L3MBTL4: variants seen among roughly 807,000 people sequenced by gnomAD.
L3MBTL4 encodes lethal(3)malignant brain tumor-like protein 4.
A neutral mutation model predicts 84.5 loss-of-function variants in L3MBTL4; 70 were observed. That is an observed-to-expected ratio of 0.83 (90% CI 0.68 to 1.01). The LOEUF is 1.01. Ranked by LOEUF, L3MBTL4 falls within the 50% of genes least tolerant of loss-of-function variation. The pLI is 0.00. For synonymous variants in L3MBTL4, 274 were observed against 259.8 expected (o/e 1.05, Z -0.52); for missense variants, 715 against 754.8 (o/e 0.95, Z 0.62).
At chr18:6,205,178 A>G (rs112835469) in intron 12 of L3MBTL4, among the ~76,000 whole-genome samples, 53 of 152,240 alleles carry the variant, frequency 3.5e-4, no homozygotes, top group African/African-American at 1.2e-3. Context: ...GAAGAGGAAA[A>G]TAGGAGTGTC....
At chr18:6,001,466 C>T (rs564843570) in intron 16 of L3MBTL4, among the ~76,000 whole-genome samples, 1 of 152,078 alleles carries the variant, frequency 6.6e-6, no homozygotes, top group East Asian at 1.9e-4. Context: ...AATTAAAAAA[C>T]CCCAAACAAA....
intron 12 of L3MBTL4, among the ~76,000 whole-genome samples, chr18:6,205,201 T>A (rs955592502): frequency 6.6e-6 from 1 of 152,244 alleles, no homozygotes; most frequent in Admixed American, 6.5e-5. Flanking sequence ...AGGCAGAGGT[T>A]TGAAGGTGCT....
At chr18:6,349,528 C>A (rs1446256259) in intron 1 of L3MBTL4, among the ~76,000 whole-genome samples, 1 of 152,030 alleles carries the variant, frequency 6.6e-6, no homozygotes, top group Non-Finnish European at 1.5e-5. Context: ...CAGATCGAGA[C>A]CAGCCCGAGC....
chr18:6,382,963 T>G (rs2054657284), intron 1 of L3MBTL4, among the ~76,000 whole-genome samples: 1 of 152,160 alleles, frequency 6.6e-6, no homozygotes, highest in Admixed American at 6.5e-5. Context: ...GGATTTTATC[T>G]GTAAGTCCCT....
At chr18:6,056,319 G>A (rs1232825160) in intron 16 of L3MBTL4, among the ~76,000 whole-genome samples, 2 of 152,166 alleles carry the variant, frequency 1.3e-5, no homozygotes, top group African/African-American at 4.8e-5. Context: ...AGTTTCAGCA[G>A]AAGTTTGCTT....
chr18:6,332,378 A>G (rs1218048742), intron 1 of L3MBTL4, among the ~76,000 whole-genome samples: 2 of 152,232 alleles, frequency 1.3e-5, no homozygotes, highest in Non-Finnish European at 2.9e-5. Context: ...AGCCAGCCCA[A>G]CATCCTCTTT....
intron 12 of L3MBTL4, among the ~76,000 whole-genome samples, chr18:6,185,956 C>CTTTTTATTTTAT (rs1480773821): frequency 7.4e-6 from 1 of 136,054 alleles, no homozygotes; most frequent in African/African-American, 3.3e-5. Flanking sequence ...AAAAAGGGCA[C>CTTTTTATTTTAT]TTTCTTTATT....
intron 14 of L3MBTL4, among the ~76,000 whole-genome samples, chr18:6,117,561 G>C (rs1303152333): frequency 6.6e-6 from 1 of 152,198 alleles, no homozygotes; most frequent in Non-Finnish European, 1.5e-5. Flanking sequence ...TGTGAAACTG[G>C]TGGAGTTAAA....
intron 16 of L3MBTL4, among the ~76,000 whole-genome samples, chr18:6,061,617 T>C (rs1455107285): frequency 1.3e-5 from 2 of 152,020 alleles, no homozygotes; most frequent in Non-Finnish European, 2.9e-5. Flanking sequence ...TTGTTTTGCA[T>C]TTTACATTTA....
At chr18:6,004,961 C>T (rs2054394117) in intron 16 of L3MBTL4, among the ~76,000 whole-genome samples, 1 of 143,130 alleles carries the variant, frequency 7.0e-6, no homozygotes. Flanking sequence ...TTCTTAATGC[C>T]ACCAAAGTGT....
At chr18:5,986,130 G>A (rs1183351736) in intron 16 of L3MBTL4, among the ~76,000 whole-genome samples, 1 of 152,176 alleles carries the variant, frequency 6.6e-6, no homozygotes, top group Non-Finnish European at 1.5e-5. Context: ...GTGCTGAGAG[G>A]CCGAAAGAGA....
chr18:6,385,772 C>T (rs2054792776), intron 1 of L3MBTL4, among the ~76,000 whole-genome samples: 1 of 152,212 alleles, frequency 6.6e-6, no homozygotes, highest in Non-Finnish European at 1.5e-5. Flanking sequence ...CTAAACCTCT[C>T]TCCAAAAGGC....
chr18:6,132,593 C>G (rs2059907297), intron 14 of L3MBTL4, among the ~76,000 whole-genome samples: 1 of 152,202 alleles, frequency 6.6e-6, no homozygotes, highest in Non-Finnish European at 1.5e-5. Flanking sequence ...TCATATAATG[C>G]TTTTCTTTAA....
At chr18:6,011,977 A>T (rs900550153) in intron 16 of L3MBTL4, among the ~76,000 whole-genome samples, 1 of 152,250 alleles carries the variant, frequency 6.6e-6, no homozygotes, top group African/African-American at 2.4e-5. Flanking sequence ...TTGCTTCTGG[A>T]CAGAAACCTT....
intron 16 of L3MBTL4, among the ~76,000 whole-genome samples, chr18:5,976,865 G>A (rs891841155): frequency 1.3e-5 from 2 of 152,110 alleles, no homozygotes; most frequent in African/African-American, 2.4e-5. Context: ...TAAAAGTGTC[G>A]CTGCCCAACC....
At chr18:6,187,901 C>T (rs915929624) in intron 12 of L3MBTL4, among the ~76,000 whole-genome samples, 70 of 149,024 alleles carry the variant, frequency 4.7e-4, no homozygotes, top group African/African-American at 1.6e-3. Flanking sequence ...CTGCTCTCTA[C>T]AATTTTGTGT....
chr18:6,379,903 T>C (rs1258056234), intron 1 of L3MBTL4, among the ~76,000 whole-genome samples: 1 of 152,234 alleles, frequency 6.6e-6, no homozygotes, highest in Non-Finnish European at 1.5e-5. Context: ...TACCAGCTCC[T>C]CCTTGTACCT....
intron 1 of L3MBTL4, among the ~76,000 whole-genome samples, chr18:6,346,739 T>C (rs1223981471): frequency 6.6e-6 from 1 of 152,104 alleles, no homozygotes; most frequent in East Asian, 1.9e-4. Context: ...TTGTATACAA[T>C]TGGTGGGAAT....
In L3MBTL4 at chr18:6,339,096, T is replaced by A. The variant is rs558962882; in HGVS notation, c.-90-27040A>T. On this transcript the variant is annotated intron_variant, in intron 1 of 18. Coordinates refer to ENST00000317931, the MANE Select transcript of L3MBTL4 (RefSeq NM_001330559.2). ...ATCAATAGCTTATAAAACAACCAGA[T>A]CCGCCCCTTCCGCCGACCCAAACAT... is the stretch of plus-strand genomic sequence containing the variant. Among the ~76,000 whole-genome samples, 943 of 152,196 alleles carry A rather than the reference T, an allele frequency of 6.2e-3. 11 individuals are homozygous for A. The highest frequency in any genetic ancestry group is 0.022 in the African/African-American group (912 of 41,538).
Sources: allele counts gnomAD v4.1 joint callset (sites outside exome capture counted in the v4.1 genomes callset), GRCh38; gene constraint gnomAD v4.1.1; transcripts MANE v1.5; gene names NCBI Gene and HGNC (gene_info 2026-07-23, HGNC 2026-07-21).